RAB5A: variants seen among roughly 807,000 people sequenced by gnomAD.
The protein encoded by RAB5A is RAB5A, member RAS oncogene family.
Under a neutral mutation model 25.7 loss-of-function variants are expected in RAB5A, and 8 were observed. The ratio of observed to expected loss-of-function variants is 0.31; its 90% CI spans 0.18 to 0.56. The LOEUF (loss-of-function observed/expected upper bound fraction) is 0.56. Among genes scored for constraint, RAB5A ranks in the 20% least tolerant of loss-of-function variants. The pLI, the probability that RAB5A is intolerant of heterozygous loss-of-function variation, is 0.91. For synonymous variants in RAB5A, 98 were observed against 89.8 expected, an observed-to-expected ratio of 1.09 and a Z score of -0.52; for missense variants, 192 against 259.7, an observed-to-expected ratio of 0.74 and a Z score of 1.79.
In RAB5A at chr3:19,950,953, T is replaced by C. The variant is rs147139196; in HGVS notation, c.55T>C (p.Cys19Arg). Residue 19 changes from cysteine to arginine, a missense_variant, in exon 2 of 6, where the codon TGC (cysteine) becomes CGC (arginine). Physicochemically the swap from Cys to Arg is radical, Grantham distance 180. Coordinates refer to ENST00000273047, the MANE Select transcript of RAB5A (RefSeq NM_004162.5). The stretch of plus-strand genomic sequence containing the variant: ...CGGGCCAAATACGGGAAATAAAATA[T>C]GCCAGTTCAAACTAGTACTTCTGGG... Reference protein sequence around the residue: ...PNGPNTGNKICQFKLVLLGES... With the variant: ...PNGPNTGNKIRQFKLVLLGES... The C allele has an allele frequency of 3.1e-6, 5 of 1,613,882 alleles. No homozygotes were observed. In the African/African-American group the frequency reaches 6.7e-5, roughly 22 times the overall value.
intron 4 of RAB5A, among the ~76,000 whole-genome samples, chr3:19,977,077 T>C (rs1696835279): frequency 6.6e-6 from 1 of 152,058 alleles, no homozygotes; most frequent in Non-Finnish European, 1.5e-5. Flanking sequence ...TTTAGACTTT[T>C]TTTTTTTTTT....
At chr3:19,956,506 T>C (rs1240158038) in intron 2 of RAB5A, among the ~76,000 whole-genome samples, 1 of 152,244 alleles carries the variant, frequency 6.6e-6, no homozygotes, top group Non-Finnish European at 1.5e-5. Flanking sequence ...GTGCTGTTTC[T>C]ACTTACATAT....
intron 2 of RAB5A, among the ~76,000 whole-genome samples, chr3:19,955,201 T>G (rs1696482366): frequency 1.3e-5 from 2 of 152,344 alleles, no homozygotes; most frequent in Admixed American, 1.3e-4. Context: ...TTTTTTCTCT[T>G]CTGAGAAAAG....
intron 2 of RAB5A, 198 bp downstream of exon 2, chr3:19,951,259 ATCCCTTGTGG>A: frequency 1.8e-6 from 1 of 548,868 alleles, no homozygotes; most frequent in Non-Finnish European, 3.1e-6. Flanking sequence ...TGTTTGGTTA[ATCCCTTGTGG>A]TTATATTGTA....
chr3:19,960,817 G>A (rs544564395), intron 2 of RAB5A, among the ~76,000 whole-genome samples: 17 of 152,252 alleles, frequency 1.1e-4, no homozygotes, highest in South Asian at 6.2e-4. Context: ...ATGAAGAACC[G>A]GTTAGTTATT....
chr3:19,962,574 A>C (rs1458358729), intron 2 of RAB5A, among the ~76,000 whole-genome samples: 1 of 152,180 alleles, frequency 6.6e-6, no homozygotes, highest in African/African-American at 2.4e-5. Flanking sequence ...ATCTCAAAAA[A>C]AAAAAGTACT....
chr3:19,963,087 G>T (rs1247213227), intron 2 of RAB5A, among the ~76,000 whole-genome samples: 1 of 152,126 alleles, frequency 6.6e-6, no homozygotes, highest in East Asian at 1.9e-4. Context: ...GGGATTAAAG[G>T]CATGAGCCAC....
intron 5 of RAB5A, 47 bp downstream of exon 5, chr3:19,978,450 T>C (rs767250712): frequency 1.4e-6 from 2 of 1,407,530 alleles, no homozygotes; most frequent in Non-Finnish European, 9.9e-7. Context: ...GCAAAACAAG[T>C]GTGAAGCATA....
intron 2 of RAB5A, chr3:19,970,622 G>A (rs1222192290): frequency 2.2e-6 from 1 of 456,688 alleles, no homozygotes; most frequent in Non-Finnish European, 4.4e-6. Flanking sequence ...TAGTGCTGGT[G>A]ATGGAAGTGA....
rs1453336777 is a variant in RAB5A, at chr3:19,985,128, G to GT, written c.*1309dup. The GT allele has an allele frequency of 1.6e-5, 6 of 376,888 alleles. No individual in the cohort carries two copies. The highest frequency in any genetic ancestry group is 1.3e-4 in the African/African-American group (6 of 47,378). The allele number at this position is 376,888 out of a possible 1,614,324, so 23.3% of individuals were successfully genotyped here. On this transcript the variant is annotated 3_prime_UTR_variant, in exon 6 of 6. Coordinates refer to ENST00000273047, the MANE Select transcript of RAB5A (RefSeq NM_004162.5). ...TAGGAAAACGGTTCACCAGTGTTTAGTTTTATATTGAGGTGCTCAGGTTGG... is the reference window on the plus strand; with the variant it reads ...TAGGAAAACGGTTCACCAGTGTTTAGTTTTTATATTGAGGTGCTCAGGTTGG...
At chr3:19,976,265 C>T (rs548429438) in intron 4 of RAB5A, 96 bp downstream of exon 4, 3 of 1,316,464 alleles carry the variant, frequency 2.3e-6, no homozygotes, top group Middle Eastern at 2.0e-4. Flanking sequence ...CAAAACCATG[C>T]AAGTAATAGA....
chr3:19,954,162 A>G (rs979648555), intron 2 of RAB5A, among the ~76,000 whole-genome samples: 1 of 152,088 alleles, frequency 6.6e-6, no homozygotes, highest in African/African-American at 2.4e-5. Context: ...TTACAGGCCC[A>G]CACCACCAAT....
intron 2 of RAB5A, among the ~76,000 whole-genome samples, chr3:19,953,463 A>G (rs1000059690): frequency 6.9e-6 from 1 of 144,132 alleles, no homozygotes; most frequent in African/African-American, 2.6e-5. Context: ...GCTGGAGTGC[A>G]GTGGTGTAGC....
Position 19,959,423 on chromosome 3 carries a change from ATCT to A in RAB5A, c.163+8367_163+8369del, listed in dbSNP as rs375820200. Among the ~76,000 whole-genome samples the A allele has an allele frequency of 1.4e-3, 217 of 151,126 alleles. 6 individuals are homozygous for A. In the South Asian group the frequency reaches 0.04, roughly 28 times the overall value. On this transcript the variant is annotated intron_variant, in intron 2 of 5. Coordinates refer to ENST00000273047, the MANE Select transcript of RAB5A (RefSeq NM_004162.5). ...AAAATTAAGCCTAAATCTCCAACTG[ATCT>A]TCTTGTTATGTACTAATTTATATAT...
At chr3:19,968,544 C>T (rs1696692265) in intron 2 of RAB5A, among the ~76,000 whole-genome samples, 1 of 152,166 alleles carries the variant, frequency 6.6e-6, no homozygotes, top group Admixed American at 6.6e-5. Flanking sequence ...CTGCAACCTC[C>T]GCCTCCAGGA....
chr3:19,983,431 T>C (rs1446158519), intron 5 of RAB5A, among the ~76,000 whole-genome samples: 2 of 151,532 alleles, frequency 1.3e-5, no homozygotes, highest in Non-Finnish European at 2.9e-5. Context: ...GTATAGAGAA[T>C]TACATAAAGC....
intron 5 of RAB5A, among the ~76,000 whole-genome samples, chr3:19,981,613 CAAAAA>C (rs11307995): frequency 7.2e-6 from 1 of 138,942 alleles, no homozygotes. Flanking sequence ...GACTCCGCCT[CAAAAA>C]AAAAAAAATC....
chr3:19,976,717 A>AT (rs1158976398), intron 4 of RAB5A, among the ~76,000 whole-genome samples: 3 of 152,082 alleles, frequency 2.0e-5, no homozygotes, highest in Non-Finnish European at 4.4e-5. Context: ...AAAAGTAGTC[A>AT]TTGTTCACAG....
At chr3:19,948,318 G>GA (rs1446382856) in intron 1 of RAB5A, among the ~76,000 whole-genome samples, 1 of 152,036 alleles carries the variant, frequency 6.6e-6, no homozygotes, top group Admixed American at 6.5e-5. Context: ...CACATAATAA[G>GA]AAAAAAACAC....
Sources: gnomAD v4.1 joint callset for allele counts (sites outside exome capture counted in the v4.1 genomes callset) on GRCh38, gnomAD v4.1.1 for gene constraint, MANE v1.5 for transcripts, NCBI Gene and HGNC (gene_info 2026-07-23, HGNC 2026-07-21) for gene names.